PTPRF: variants seen among roughly 807,000 people sequenced by gnomAD.
PTPRF encodes the protein protein tyrosine phosphatase receptor type F.
A neutral mutation model predicts 201.8 loss-of-function variants in PTPRF; 59 were observed. That is an observed-to-expected ratio of 0.29 (90% CI 0.24 to 0.36). The LOEUF (loss-of-function observed/expected upper bound fraction) is 0.36, where lower values mean the gene tolerates loss of function less well. PTPRF is among the 10% of genes least tolerant of loss of function. The probability of loss-of-function intolerance (pLI) is 1.00; values close to 1 mark genes in which losing one functional copy is unlikely to be tolerated. For missense variants in PTPRF, 2,132 were observed against 2,690.5 expected (o/e 0.79, Z 4.59); for synonymous variants, 1,088 against 1,089.7 (o/e 1.00, Z 0.03).
chr1:43,534,375 A>T lies in PTPRF; in HGVS notation c.-126+3285A>T, dbSNP rs1042409562. Among the ~76,000 whole-genome samples the T allele has an allele frequency of 3.8e-4, 58 of 152,204 alleles. 1 individual carries two copies. Among genetic ancestry groups the T allele is most frequent in the African/African-American group, 1.0e-3 (43 of 41,446 alleles). ...GCTATGGGAAAAGGATGGAGACAGG[A>T]TGCCCAGTGGGGCAAGAGGGTGCAG... On this transcript the variant is annotated intron_variant, in intron 1 of 33. Coordinates refer to ENST00000359947, the MANE Select transcript of PTPRF (RefSeq NM_002840.5).
chr1:43,561,449 A>T (rs934341392), intron 5 of PTPRF, among the ~76,000 whole-genome samples: 2 of 152,108 alleles, frequency 1.3e-5, no homozygotes, highest in African/African-American at 4.8e-5. Context: ...AAGTGGCAAG[A>T]TGTGATCCCT....
intron 9 of PTPRF, 38 bp from the exon 10 acceptor site, chr1:43,591,774 G>A (rs373860605): frequency 1.5e-5 from 24 of 1,609,652 alleles, no homozygotes; most frequent in South Asian, 4.4e-5. Flanking sequence ...CTGACCTCAC[G>A]CAGATGAGGC....
intron 23 of PTPRF, among the ~76,000 whole-genome samples, chr1:43,615,596 T>C (rs1212216885): frequency 1.5e-5 from 2 of 134,736 alleles, no homozygotes; most frequent in Admixed American, 7.9e-5. Flanking sequence ...TTTGGAAGTC[T>C]CGCTCCGTCA....
Position 43,537,099 on chromosome 1 carries a change from G to A in PTPRF, c.-125-1099G>A, listed in dbSNP as rs1157767129. Among the ~76,000 whole-genome samples the A allele has an allele frequency of 1.3e-5, 2 of 152,174 alleles. No homozygotes were observed. Among genetic ancestry groups the A allele is most frequent in the Non-Finnish European group, 2.9e-5 (2 of 68,028 alleles). On this transcript the variant is annotated intron_variant, in intron 1 of 33. Coordinates refer to ENST00000359947, the MANE Select transcript of PTPRF (RefSeq NM_002840.5). The surrounding 1 kb of genome is among the most constrained non-coding windows in gnomAD (Gnocchi z 4.8). ...CACTGTGCATGTGGGGGCTTGAGGT[G>A]AGAAGCCTGCTGCAAGGTGCAGCTT...
rs938605860 is a variant in PTPRF, at chr1:43,540,017, A to G, written c.-46+1740A>G. On this transcript the variant is annotated intron_variant, in intron 2 of 33. Transcript: ENST00000359947. Reference sequence around the variant, plus strand: ...TGGGTTCTGGGGCAGGGGCCAGGTCAGGCTCTAGGCTCAATTGGCAAAGGA... The same window carrying G: ...TGGGTTCTGGGGCAGGGGCCAGGTCGGGCTCTAGGCTCAATTGGCAAAGGA... Among the ~76,000 whole-genome samples, 19 of 152,044 alleles carry G rather than the reference A, an allele frequency of 1.2e-4. 1 individual carries two copies. The highest frequency in any genetic ancestry group is 2.9e-5 in the Non-Finnish European group (2 of 67,996).
intron 22 of PTPRF, among the ~76,000 whole-genome samples, chr1:43,611,172 C>T (rs867257431): frequency 6.6e-6 from 1 of 152,218 alleles, no homozygotes; most frequent in Non-Finnish European, 1.5e-5. Flanking sequence ...TTCCTCACAA[C>T]ATGGTGACTG....
chr1:43,526,002 A>AT (rs940067416), upstream of PTPRF, among the ~76,000 whole-genome samples: 3 of 151,306 alleles, frequency 2.0e-5, no homozygotes, highest in African/African-American at 7.3e-5. Flanking sequence ...AAGGGAGGGA[A>AT]TTTTTTTTAG....
chr1:43,568,933 G>A (rs1488613247), intron 5 of PTPRF, among the ~76,000 whole-genome samples: 2 of 152,192 alleles, frequency 1.3e-5, no homozygotes, highest in African/African-American at 4.8e-5. Context: ...AGCCCTGACC[G>A]TGACTCCCAG....
chr1:43,549,717 T>A (rs1042953205), intron 3 of PTPRF, among the ~76,000 whole-genome samples: 7 of 151,826 alleles, frequency 4.6e-5, no homozygotes, highest in Non-Finnish European at 8.8e-5. Context: ...TAGCCAGGCA[T>A]GGTGGTGTGC....
intron 5 of PTPRF, among the ~76,000 whole-genome samples, chr1:43,567,552 C>G (rs1238568070): frequency 1.3e-5 from 2 of 152,324 alleles, no homozygotes; most frequent in South Asian, 2.1e-4. Context: ...ACCTCTGCTC[C>G]TCATGGGCCA....
chr1:43,533,858 G>A (rs781185318), intron 1 of PTPRF, among the ~76,000 whole-genome samples: 1 of 152,176 alleles, frequency 6.6e-6, no homozygotes, highest in Non-Finnish European at 1.5e-5. Context: ...CTGACTGTGT[G>A]CCAGACCCCG....
intron 10 of PTPRF, 136 bp from the exon 11 acceptor site, chr1:43,592,321 A>C (rs1021788470): frequency 1.2e-4 from 132 of 1,107,676 alleles, no homozygotes; most frequent in Non-Finnish European, 1.6e-4. Flanking sequence ...TTTGTGCTCC[A>C]TGTGGCCTTA....
intron 7 of PTPRF, among the ~76,000 whole-genome samples, chr1:43,586,052 A>G (rs1457118170): frequency 1.3e-5 from 2 of 152,182 alleles, no homozygotes; most frequent in Non-Finnish European, 2.9e-5. Flanking sequence ...CGAAAGGGTG[A>G]CAGTTTTTCA....
In PTPRF at chr1:43,579,023, A is replaced by C. The variant is rs561164697; in HGVS notation, c.679+103A>C. ...TGGTGCAGACACGCAAGGGACTGCCATGGGCCCAGTCTCTTCTCCTTCCTG... is the reference window on the plus strand; with the variant it reads ...TGGTGCAGACACGCAAGGGACTGCCCTGGGCCCAGTCTCTTCTCCTTCCTG... On this transcript the variant is annotated intron_variant, in intron 7 of 33. Transcript: ENST00000359947. 4.4e-5 allele frequency: 45 copies of C among 1,016,676 alleles called. No individual in the cohort carries two copies. The Middle Eastern group carries it at 1.0e-3, about 23-fold the overall frequency. The allele number at this position is 1,016,676 out of a possible 1,614,324, so 63.0% of individuals were successfully genotyped here.
At chr1:43,573,787 C>T (rs1359294550) in intron 6 of PTPRF, among the ~76,000 whole-genome samples, 2 of 152,080 alleles carry the variant, frequency 1.3e-5, no homozygotes, top group East Asian at 3.9e-4. Flanking sequence ...TAGATTCTTT[C>T]AGAATAGGTT....
intron 7 of PTPRF, among the ~76,000 whole-genome samples, chr1:43,581,168 T>G (rs1647510288): frequency 6.6e-6 from 1 of 152,228 alleles, no homozygotes; most frequent in East Asian, 1.9e-4. Flanking sequence ...TTACACATGG[T>G]AGACTCAGGC....
chr1:43,596,206 G>A (rs1004650500), intron 11 of PTPRF, among the ~76,000 whole-genome samples: 1 of 152,300 alleles, frequency 6.6e-6, no homozygotes, highest in South Asian at 2.1e-4. Flanking sequence ...CTCAGTGCCC[G>A]GGGCCTGGAG....
intron 5 of PTPRF, among the ~76,000 whole-genome samples, chr1:43,557,135 G>C (rs963508983): frequency 6.6e-6 from 1 of 152,216 alleles, no homozygotes; most frequent in Non-Finnish European, 1.5e-5. Context: ...AGAGGCCCCA[G>C]AGGGCTTCTT....
chr1:43,547,457 GCAGGAGC>G (rs1644752696), intron 3 of PTPRF, among the ~76,000 whole-genome samples: 1 of 152,220 alleles, frequency 6.6e-6, no homozygotes, highest in Admixed American at 6.5e-5. Context: ...TGACCGAGCC[GCAGGAGC>G]CAGGGTCTGT....
Sources: gnomAD v4.1 joint callset for allele counts (sites outside exome capture counted in the v4.1 genomes callset) on GRCh38, gnomAD v4.1.1 for gene constraint, Gnocchi (gnomAD v3.1) non-coding constraint, MANE v1.5 for transcripts, NCBI Gene and HGNC (gene_info 2026-07-23, HGNC 2026-07-21) for gene names.